Variants in CAMKK2 observed in about 807,000 individuals in gnomAD.
The protein encoded by CAMKK2 is calcium/calmodulin dependent protein kinase kinase 2, also known as calcium/calmodulin-dependent protein kinase kinase 2.
Under a neutral mutation model 67.2 loss-of-function variants are expected in CAMKK2, and 30 were observed. That is an observed-to-expected ratio of 0.45 (90% confidence interval 0.33 to 0.61). The LOEUF is 0.61. CAMKK2 is among the 20% of genes least tolerant of loss of function. The probability of loss-of-function intolerance (pLI) is 0.02; values close to 1 mark genes in which losing one functional copy is unlikely to be tolerated. For synonymous variants in CAMKK2, 322 were observed against 326.2 expected, an observed-to-expected ratio of 0.99 and a Z score of 0.14; for missense variants, 643 against 802.0, an observed-to-expected ratio of 0.80 and a Z score of 2.39.
In CAMKK2 at chr12:121,238,477, C is replaced by T. The variant is rs1232045724; in HGVS notation, c.*2222G>A. ...TGCTCCAAGAGTGGCAGCTCAAATG[C>T]TCTGTGTTTACAGCCATCTTGGCTT... On this transcript the variant is annotated 3_prime_UTR_variant, in exon 17 of 17. Transcript: ENST00000404169. The T allele has an allele frequency of 6.6e-6, 1 of 152,582 alleles. No homozygotes were observed. The highest frequency in any genetic ancestry group is 1.9e-4 in the East Asian group (1 of 5,190). 9.5% of individuals were successfully genotyped at this position (152,582 alleles called of 1,614,324 possible).
chr12:121,273,197 C>G (rs555429476), intron 2 of CAMKK2, among the ~76,000 whole-genome samples: 1 of 151,950 alleles, frequency 6.6e-6, no homozygotes, highest in Non-Finnish European at 1.5e-5. Flanking sequence ...GCCCGGGAAG[C>G]CTTTTGGAGG....
chr12:121,281,088 G>A (rs1229860791), intron 1 of CAMKK2, among the ~76,000 whole-genome samples: 2 of 152,118 alleles, frequency 1.3e-5, no homozygotes, highest in South Asian at 2.1e-4. Flanking sequence ...TGTCTCCCCC[G>A]GACGCCCAGC....
intron 16 of CAMKK2, chr12:121,243,951 C>T: frequency 2.1e-6 from 3 of 1,450,604 alleles, no homozygotes; most frequent in Non-Finnish European, 2.7e-6. Context: ...GGGTGCCCAG[C>T]AGGTTCTCCC....
intron 7 of CAMKK2, among the ~76,000 whole-genome samples, chr12:121,258,503 T>C (rs1892800926): frequency 6.6e-6 from 1 of 152,144 alleles, no homozygotes; most frequent in African/African-American, 2.4e-5. Context: ...GGACTGAGTT[T>C]TCTGCCCTTT....
chr12:121,281,056 C>G (rs1897689312), intron 1 of CAMKK2, among the ~76,000 whole-genome samples: 1 of 152,198 alleles, frequency 6.6e-6, no homozygotes, highest in Non-Finnish European at 1.5e-5. Flanking sequence ...TGTGGGGCAT[C>G]ACGGAACCTA....
Position 121,288,912 on chromosome 12 carries a change from G to A in CAMKK2, c.-60+7726C>T, listed in dbSNP as rs529063876. ...GTGGGGTGGGGGTGGGGGCACTACA[G>A]AATCTTCTCATTTTCTTTCATTCCT... On this transcript the variant is annotated intron_variant, in intron 1 of 16. Transcript: ENST00000404169. 1.4e-4 allele frequency among the ~76,000 whole-genome samples: 22 copies of A among 152,282 alleles called. No homozygotes were observed. In the South Asian group the frequency reaches 4.6e-3, roughly 32 times the overall value.
At chr12:121,270,985 G>A (rs1427791592) in intron 2 of CAMKK2, 40 bp from the exon 3 acceptor site, 2 of 1,570,406 alleles carry the variant, frequency 1.3e-6, no homozygotes, top group Non-Finnish European at 1.8e-6. Flanking sequence ...TGAATTTTAA[G>A]TTTGCAACTA....
At chr12:121,243,883 A>G in intron 16 of CAMKK2, 2 of 1,380,166 alleles carry the variant, frequency 1.4e-6, no homozygotes, top group Non-Finnish European at 1.9e-6. Context: ...TCAGGTAGCC[A>G]TGATGTGCTC....
intron 16 of CAMKK2, among the ~76,000 whole-genome samples, chr12:121,241,400 G>A (rs895463604): frequency 1.3e-5 from 2 of 152,160 alleles, no homozygotes; most frequent in African/African-American, 4.8e-5. Context: ...GGATCCTCCC[G>A]CCTCAGCCCT....
At chr12:121,296,798 T>G (rs1026976137), upstream of CAMKK2, 1 of 140,706 alleles carries the variant, frequency 7.1e-6, no homozygotes, top group Non-Finnish European at 1.5e-5. This position sits in a 1 kb window ranked among gnomAD's most constrained non-coding sequence, Gnocchi z 7.1. Flanking sequence ...CTTGGGCGCG[T>G]CGCCGCCCCG....
At chr12:121,250,168 A>G in intron 11 of CAMKK2, 134 bp from the exon 12 acceptor site, 1 of 725,652 alleles carries the variant, frequency 1.4e-6, no homozygotes, top group Non-Finnish European at 2.4e-6. Context: ...GGGGGCAAGC[A>G]GTTCCCATTC....
chr12:121,260,453 G>T, intron 6 of CAMKK2, 98 bp from the exon 7 acceptor site: 1 of 1,095,358 alleles, frequency 9.1e-7, no homozygotes, highest in Non-Finnish European at 1.4e-6. Flanking sequence ...ACGTGGCTGC[G>T]TTTGCCAACA....
At chr12:121,260,570 T>C (rs1024494446) in intron 6 of CAMKK2, 1 of 577,004 alleles carries the variant, frequency 1.7e-6, no homozygotes, top group Non-Finnish European at 3.0e-6. Flanking sequence ...CCTCTCTGTC[T>C]GATCCTCGAG....
intron 5 of CAMKK2, among the ~76,000 whole-genome samples, chr12:121,267,076 C>A (rs1276323410): frequency 1.6e-5 from 1 of 63,502 alleles, no homozygotes. Flanking sequence ...TCAAATACCT[C>A]GTGGTATTTA....
At chr12:121,275,715 C>T (rs6489803) in intron 1 of CAMKK2, among the ~76,000 whole-genome samples, 66,872 of 151,552 alleles carry the variant, frequency 0.44, 15,496 homozygotes, top group African/African-American at 0.58. Flanking sequence ...TGGGGAATGG[C>T]TGCTTAATGG....
At chr12:121,243,780 C>T (rs901106084) in intron 16 of CAMKK2, 2 of 891,050 alleles carry the variant, frequency 2.2e-6, no homozygotes, top group Middle Eastern at 4.6e-4. Context: ...CTGAATCATA[C>T]ACTTCCCGTG....
At chr12:121,287,510 C>A (rs893774913) in intron 1 of CAMKK2, among the ~76,000 whole-genome samples, 4 of 152,138 alleles carry the variant, frequency 2.6e-5, no homozygotes, top group African/African-American at 9.7e-5. Flanking sequence ...GCCTGCCCTG[C>A]AGCCCAGTGA....
At chr12:121,297,348 C>G (rs1474844135), upstream of CAMKK2, 16 of 318,480 alleles carry the variant, frequency 5.0e-5, no homozygotes, top group South Asian at 3.8e-4. Flanking sequence ...GGGGAGCCCC[C>G]TTCCGCAGCT....
At chr12:121,282,547 A>AG (rs1897987222) in intron 1 of CAMKK2, among the ~76,000 whole-genome samples, 1 of 152,026 alleles carries the variant, frequency 6.6e-6, no homozygotes, top group African/African-American at 2.4e-5. Context: ...GCCAGCACGG[A>AG]GGGGGAAGGC....
Sources: allele counts gnomAD v4.1 joint callset (sites outside exome capture counted in the v4.1 genomes callset), GRCh38; gene constraint gnomAD v4.1.1; non-coding constraint Gnocchi (gnomAD v3.1); transcripts MANE v1.5; gene names NCBI Gene and HGNC (gene_info 2026-07-23, HGNC 2026-07-21).